SANBR: variants seen among roughly 807,000 people sequenced by gnomAD.
SANBR encodes SANT and BTB domain regulator of CSR, also known as SANT and BTB domain regulator of class switch recombination.
In SANBR, 77 loss-of-function variants were observed where a neutral mutation model predicts 101.8. The ratio of observed to expected loss-of-function variants is 0.76; its 90% CI spans 0.63 to 0.91. SANBR has a LOEUF of 0.91. SANBR is among the 40% of genes least tolerant of loss of function. The probability of loss-of-function intolerance (pLI) is 0.00; values close to 1 mark genes in which losing one functional copy is unlikely to be tolerated. For synonymous variants in SANBR, 279 were observed against 274.7 expected, an observed-to-expected ratio of 1.02 and a Z score of -0.15; for missense variants, 875 against 853.0, an observed-to-expected ratio of 1.03 and a Z score of -0.32.
At chr2:61,109,137 T>G in intron 15 of SANBR, 60 bp from the exon 16 acceptor site, 1 of 850,958 alleles carries the variant, frequency 1.2e-6, no homozygotes. Context: ...TAAATATGTT[T>G]GAAAGAATTC....
intron 11 of SANBR, among the ~76,000 whole-genome samples, chr2:61,092,800 A>G (rs1364282876): frequency 4.6e-5 from 7 of 152,168 alleles, no homozygotes; most frequent in Admixed American, 2.0e-4. Context: ...CAGGAGTTCA[A>G]TACCAGCCTG....
chr2:61,119,129 A>T (rs556047507), intron 20 of SANBR, among the ~76,000 whole-genome samples: 2 of 152,222 alleles, frequency 1.3e-5, no homozygotes, highest in Admixed American at 6.5e-5. Context: ...ATAAGATGTC[A>T]TCTTGCTGAA....
intron 20 of SANBR, among the ~76,000 whole-genome samples, chr2:61,129,784 A>C (rs928874728): frequency 1.3e-5 from 2 of 152,118 alleles, no homozygotes; most frequent in African/African-American, 4.8e-5. Flanking sequence ...TAATGCAATA[A>C]AAGCTATAAA....
Position 61,122,143 on chromosome 2 carries a change from G to C in SANBR, c.2138G>C (p.Gly713Ala). The C allele has an allele frequency of 6.4e-7, 1 of 1,550,534 alleles. No homozygotes were observed. The highest frequency in any genetic ancestry group is 8.7e-7 in the Non-Finnish European group (1 of 1,146,164). The change falls in exon 22 of 22, where the codon GGT (glycine) becomes GCT (alanine). Residue 713 changes from glycine (G) to alanine (A), a missense_variant. Transcript: ENST00000402291. ...EKNTRSKSRF[G>A]QGRPA ...AAATCTAGGTCTAAAAGTCGTTTTG[G>C]TCAAGGGCGTCCTGCATAAAGTACC...
chr2:61,101,805 G>A (rs1049599795), intron 12 of SANBR, among the ~76,000 whole-genome samples: 3 of 152,000 alleles, frequency 2.0e-5, no homozygotes, highest in Admixed American at 6.6e-5. Flanking sequence ...GGGAGACTGA[G>A]ATGGGCGGAC....
intron 6 of SANBR, among the ~76,000 whole-genome samples, chr2:61,080,617 A>G (rs1005093401): frequency 1.3e-5 from 2 of 152,060 alleles, no homozygotes. Flanking sequence ...GCTACTCAGG[A>G]GGCTAATGCA....
In SANBR at chr2:61,112,538, C is replaced by G. The variant is rs544607782; in HGVS notation, c.1744+3242C>G. On this transcript the variant is annotated intron_variant, in intron 16 of 21. Coordinates refer to ENST00000402291, the MANE Select transcript of SANBR (RefSeq NM_001129993.3). ...TTGAGATAGAGTCTTGTTCTGTCAT[C>G]CAGGCTGGAGTGTAGAGGTGCGATC... Among the ~76,000 whole-genome samples, 4 of 150,808 alleles carry G rather than the reference C, an allele frequency of 2.7e-5. No individual in the cohort carries two copies. In the South Asian group the frequency reaches 6.3e-4, roughly 24 times the overall value.
chr2:61,108,420 C>T, intron 15 of SANBR, 71 bp downstream of exon 15: 1 of 989,052 alleles, frequency 1.0e-6, no homozygotes, highest in Admixed American at 2.5e-5. Flanking sequence ...TTAATAGAAT[C>T]TTATCAGTAT....
intron 14 of SANBR, among the ~76,000 whole-genome samples, chr2:61,106,968 C>T (rs1683602743): frequency 6.6e-6 from 1 of 151,982 alleles, no homozygotes; most frequent in Non-Finnish European, 1.5e-5. Flanking sequence ...AGTTTGAGAC[C>T]AGCCTGGGCA....
downstream of SANBR, among the ~76,000 whole-genome samples, chr2:61,127,514 A>G (rs1684547939): frequency 6.6e-6 from 1 of 152,208 alleles, no homozygotes; most frequent in Non-Finnish European, 1.5e-5. Context: ...TCTCAACAGT[A>G]TATTAAACAT....
chr2:61,117,631 T>A (rs1684138846), intron 19 of SANBR, 91 bp downstream of exon 19: 1 of 1,158,616 alleles, frequency 8.6e-7, no homozygotes, highest in Non-Finnish European at 1.3e-6. Flanking sequence ...TGAATAGCTC[T>A]AGAGTTTCTA....
At chr2:61,076,111 A>G (rs1416908717) in intron 5 of SANBR, among the ~76,000 whole-genome samples, 1 of 151,344 alleles carries the variant, frequency 6.6e-6, no homozygotes, top group Non-Finnish European at 1.5e-5. Flanking sequence ...CTCCTGCCTC[A>G]GCCTCCTAGG....
chr2:61,105,384 C>T (rs1432268590), intron 13 of SANBR, among the ~76,000 whole-genome samples: 4 of 151,546 alleles, frequency 2.6e-5, no homozygotes, highest in Non-Finnish European at 5.9e-5. Flanking sequence ...AAAAGCATTT[C>T]AGTTGGAGTT....
At chr2:61,117,952 T>C in intron 19 of SANBR, 76 bp from the exon 20 acceptor site, 1 of 1,052,970 alleles carries the variant, frequency 9.5e-7, no homozygotes, top group Non-Finnish European at 1.4e-6. Flanking sequence ...CCCTAGGTGA[T>C]TACAGTCTTT....
At chr2:61,095,933 C>T (rs1051216132) in intron 11 of SANBR, among the ~76,000 whole-genome samples, 14 of 152,136 alleles carry the variant, frequency 9.2e-5, no homozygotes, top group African/African-American at 2.4e-5. Context: ...TTTCTTCACC[C>T]CAGGCCTTGT....
At chr2:61,113,496 T>G (rs1683933022) in intron 16 of SANBR, among the ~76,000 whole-genome samples, 1 of 152,210 alleles carries the variant, frequency 6.6e-6, no homozygotes, top group Non-Finnish European at 1.5e-5. Flanking sequence ...ACTTCTTTAA[T>G]GTCTCTCAAC....
intron 1 of SANBR, among the ~76,000 whole-genome samples, chr2:61,068,323 G>T (rs1332700360): frequency 2.0e-5 from 3 of 152,038 alleles, no homozygotes; most frequent in Admixed American, 1.3e-4. Context: ...AAACAATGAA[G>T]TTCTGTAAAA....
At chr2:61,073,366 G>A in intron 4 of SANBR, 92 bp from the exon 5 acceptor site, 1 of 536,278 alleles carries the variant, frequency 1.9e-6, no homozygotes, top group Admixed American at 3.5e-5. Context: ...TGCATTTACA[G>A]TATTACCATT....
chr2:61,108,433 T>C, intron 15 of SANBR, 84 bp downstream of exon 15: 1 of 903,430 alleles, frequency 1.1e-6, no homozygotes, highest in South Asian at 1.7e-5. Flanking sequence ...ATCAGTATCT[T>C]ATTTTACAAA....
Sources: gnomAD v4.1 joint callset for allele counts (sites outside exome capture counted in the v4.1 genomes callset) on GRCh38, gnomAD v4.1.1 for gene constraint, MANE v1.5 for transcripts, NCBI Gene and HGNC (gene_info 2026-07-23, HGNC 2026-07-21) for gene names.